The following DCC variants were observed in gnomAD, a reference collection of about 807,000 sequenced individuals.
DCC encodes DCC netrin 1 receptor.
DCC carries 58 observed loss-of-function variants against 172.5 expected under a neutral mutation model. That is an observed-to-expected ratio of 0.34 (90% confidence interval 0.27 to 0.42). The LOEUF is 0.42. Among genes scored for constraint, DCC ranks in the 10% least tolerant of loss-of-function variants. The pLI, the probability that DCC is intolerant of heterozygous loss-of-function variation, is 1.00. For missense variants in DCC, 1,740 were observed against 1,791.0 expected (o/e 0.97, Z 0.51); for synonymous variants, 709 against 644.5 (o/e 1.10, Z -1.52).
At chr18:53,167,891 T>C (rs146430018) in intron 8 of DCC, among the ~76,000 whole-genome samples, 4 of 152,282 alleles carry the variant, frequency 2.6e-5, no homozygotes, top group African/African-American at 7.2e-5. Context: ...TGGATTCCAA[T>C]TGGGTTTCAT....
At chr18:53,059,264 T>C (rs1229474281) in intron 5 of DCC, among the ~76,000 whole-genome samples, 1 of 152,104 alleles carries the variant, frequency 6.6e-6, no homozygotes, top group Non-Finnish European at 1.5e-5. Flanking sequence ...AGATGAGATT[T>C]GGGTGGAGAC....
intron 7 of DCC, among the ~76,000 whole-genome samples, chr18:53,070,141 A>C (rs961892617): frequency 6.6e-6 from 1 of 152,018 alleles, no homozygotes; most frequent in Admixed American, 6.5e-5. Context: ...CACCAAGCCC[A>C]GCTAATTTTA....
chr18:52,904,398 C>T (rs942775013), intron 2 of DCC, among the ~76,000 whole-genome samples: 6 of 152,116 alleles, frequency 3.9e-5, no homozygotes, highest in East Asian at 1.9e-4. Flanking sequence ...CTAAAAGAGA[C>T]GTAAAATTTC....
chr18:53,357,148 C>A (rs1458945151), intron 15 of DCC, among the ~76,000 whole-genome samples: 1 of 152,106 alleles, frequency 6.6e-6, no homozygotes, highest in Non-Finnish European at 1.5e-5. Flanking sequence ...TTTCAGTATG[C>A]CAAAACTTTT....
chr18:52,346,959 G>A (rs1185241277), intron 1 of DCC, among the ~76,000 whole-genome samples: 2 of 152,114 alleles, frequency 1.3e-5, no homozygotes, highest in Non-Finnish European at 2.9e-5. Flanking sequence ...AACCATTTGT[G>A]GTTATGATGA....
chr18:52,489,195 C>T (rs1360680360), intron 1 of DCC, among the ~76,000 whole-genome samples: 1 of 151,968 alleles, frequency 6.6e-6, no homozygotes, highest in Non-Finnish European at 1.5e-5. Context: ...TAAACTGGCT[C>T]CTAGATGATA....
chr18:52,784,227 T>TTCTA (rs111554653), intron 2 of DCC, among the ~76,000 whole-genome samples: 9,137 of 152,148 alleles, frequency 0.06, 358 homozygotes, highest in South Asian at 0.16. Flanking sequence ...CGACCTCCAT[T>TTCTA]TCTGTGTTGC....
rs533420138 is a variant in DCC at position 53,228,381 on chromosome 18, AGTTT to A, written c.1911+12793_1911+12796del. ...TCTTGGATTATTTCTTTCATTAATT[AGTTT>A]GTTTGTTTAATGATAAATATTCATT... On this transcript the variant is annotated intron_variant, in intron 12 of 28. Coordinates refer to ENST00000442544, the MANE Select transcript of DCC (RefSeq NM_005215.4). Among the ~76,000 whole-genome samples the A allele has an allele frequency of 7.2e-5, 11 of 152,248 alleles. No individual in the cohort carries two copies. The South Asian group carries it at 1.2e-3, about 17-fold the overall frequency.
chr18:53,504,933 T>A (rs1010905350), intron 27 of DCC, among the ~76,000 whole-genome samples: 3 of 152,186 alleles, frequency 2.0e-5, no homozygotes, highest in African/African-American at 7.2e-5. Flanking sequence ...TTTGTTTGTT[T>A]TTTTAACTAA....
chr18:52,807,910 T>C (rs763765908), intron 2 of DCC, among the ~76,000 whole-genome samples: 2 of 152,230 alleles, frequency 1.3e-5, no homozygotes, highest in Non-Finnish European at 2.9e-5. Context: ...GGGAAATATT[T>C]CATTCACTGG....
rs940354774 is a variant in DCC at position 53,319,980 on chromosome 18, T to C, written c.2054-2067T>C. 2.0e-5 allele frequency among the ~76,000 whole-genome samples: 3 copies of C among 152,192 alleles called. No homozygotes were observed. The East Asian group carries it at 5.8e-4, about 29-fold the overall frequency. On this transcript the variant is annotated intron_variant, in intron 13 of 28. Coordinates refer to ENST00000442544, the MANE Select transcript of DCC (RefSeq NM_005215.4). ...ATATAACTGACCATCACAGAGGATA[T>C]TTCAAATCAATCACTGGAGACAGTA...
intron 1 of DCC, among the ~76,000 whole-genome samples, chr18:52,642,092 A>ATACACACC (rs2034917798): frequency 6.9e-6 from 1 of 144,814 alleles, no homozygotes; most frequent in Non-Finnish European, 1.5e-5. Flanking sequence ...ACACACACAC[A>ATACACACC]CACACTCACA....
intron 1 of DCC, among the ~76,000 whole-genome samples, chr18:52,638,782 G>T (rs78480730): frequency 0.068 from 10,335 of 152,144 alleles, 457 homozygotes; most frequent in Middle Eastern, 0.12. Context: ...TCCACCAACT[G>T]CACTAGACAG....
At chr18:52,956,324 C>T (rs1383360065) in intron 5 of DCC, among the ~76,000 whole-genome samples, 2 of 151,888 alleles carry the variant, frequency 1.3e-5, no homozygotes, top group African/African-American at 4.8e-5. Flanking sequence ...ACTGTCTTTG[C>T]TCCATTTTAT....
intron 21 of DCC, among the ~76,000 whole-genome samples, chr18:53,425,565 T>C (rs972698381): frequency 3.3e-5 from 5 of 151,998 alleles, no homozygotes; most frequent in Non-Finnish European, 5.9e-5. Context: ...TTTCACCATG[T>C]TGGCCAGGTT....
intron 22 of DCC, among the ~76,000 whole-genome samples, chr18:53,445,217 A>T (rs558327969): frequency 8.5e-5 from 13 of 152,324 alleles, no homozygotes; most frequent in Admixed American, 5.2e-4. Context: ...CTTTGAAACG[A>T]TCAAGGCCGT....
intron 5 of DCC, among the ~76,000 whole-genome samples, chr18:52,972,041 T>A (rs568491933): frequency 8.5e-5 from 13 of 152,290 alleles, no homozygotes; most frequent in Non-Finnish European, 1.6e-4. Flanking sequence ...GAAGTTAATA[T>A]GTAACCTCTC....
intron 7 of DCC, among the ~76,000 whole-genome samples, chr18:53,109,586 C>T (rs892068783): frequency 2.9e-4 from 43 of 148,254 alleles, no homozygotes; most frequent in African/African-American, 1.0e-3. Flanking sequence ...CCCTCCCTCC[C>T]TCCTTCCTTC....
intron 7 of DCC, among the ~76,000 whole-genome samples, chr18:53,070,115 G>A (rs1599095428): frequency 6.6e-6 from 1 of 152,146 alleles, no homozygotes; most frequent in Middle Eastern, 3.4e-3. Flanking sequence ...GAGTAGCTGG[G>A]ATTACAGGCA....
Sources: gnomAD v4.1 joint callset for allele counts (sites outside exome capture counted in the v4.1 genomes callset) on GRCh38, gnomAD v4.1.1 for gene constraint, MANE v1.5 for transcripts, NCBI Gene and HGNC (gene_info 2026-07-23, HGNC 2026-07-21) for gene names.